Variants in XPO6 observed in about 807,000 individuals in gnomAD.
XPO6 encodes the protein exportin 6.
Under a neutral mutation model 130.0 loss-of-function variants are expected in XPO6, and 3 were observed. The observed-to-expected ratio is 0.02, with a 90% CI of 0.01 to 0.06. The LOEUF (loss-of-function observed/expected upper bound fraction) is 0.06, where lower values mean the gene tolerates loss of function less well. XPO6 is among the 10% of genes least tolerant of loss of function. XPO6 has a pLI of 1.00. For missense variants in XPO6, 970 were observed against 1,393.0 expected (o/e 0.70, Z 4.83); for synonymous variants, 524 against 548.9 (o/e 0.95, Z 0.63).
intron 15 of XPO6, among the ~76,000 whole-genome samples, chr16:28,113,519 C>A (rs1219578909): frequency 1.3e-5 from 2 of 152,212 alleles, no homozygotes; most frequent in African/African-American, 2.4e-5. Flanking sequence ...GGTTCAATTA[C>A]CACTGTTGCT....
intron 4 of XPO6, among the ~76,000 whole-genome samples, chr16:28,175,394 A>AC (rs1176819441): frequency 2.6e-5 from 4 of 151,790 alleles, no homozygotes; most frequent in Non-Finnish European, 5.9e-5. Context: ...GCACAATGGA[A>AC]CCCCCCAACC....
At chr16:28,203,653 G>C (rs770597215) in intron 1 of XPO6, among the ~76,000 whole-genome samples, 2 of 152,078 alleles carry the variant, frequency 1.3e-5, no homozygotes, top group Non-Finnish European at 2.9e-5. Context: ...ATCACCAACT[G>C]ATTAAAACTT....
At chr16:28,207,200 A>T (rs923343212) in intron 1 of XPO6, among the ~76,000 whole-genome samples, 2 of 151,790 alleles carry the variant, frequency 1.3e-5, no homozygotes, top group African/African-American at 4.8e-5. Context: ...GTAAGCCAAG[A>T]TCGTACCACT....
intron 14 of XPO6, among the ~76,000 whole-genome samples, chr16:28,120,633 G>C (rs1003783479): frequency 1.3e-5 from 2 of 152,158 alleles, no homozygotes; most frequent in African/African-American, 4.8e-5. Flanking sequence ...TAAGGAAACT[G>C]GCATCTTTCT....
chr16:28,135,363 T>C (rs1567613199), intron 9 of XPO6, 39 bp from the exon 10 acceptor site: 2 of 1,579,036 alleles, frequency 1.3e-6, no homozygotes, highest in Admixed American at 3.4e-5. Flanking sequence ...AAAGGAGGCT[T>C]TCAGCTTAGA....
chr16:28,166,051 A>AGTCTCCACTATGCAGGCAGAGAG (rs577572058), intron 6 of XPO6, among the ~76,000 whole-genome samples: 414 of 152,200 alleles, frequency 2.7e-3, no homozygotes, highest in African/African-American at 6.8e-3. Flanking sequence ...ACTACTGCAT[A>AGTCTCCACTATGCAGGCAGAGAG]GTCTCCACTA....
chr16:28,129,628 GTCTTCTCTT>G (rs1429990671), intron 12 of XPO6, among the ~76,000 whole-genome samples: 1 of 152,164 alleles, frequency 6.6e-6, no homozygotes, highest in Non-Finnish European at 1.5e-5. Flanking sequence ...ACATAATTTA[GTCTTCTCTT>G]TTTGAGGAGT....
intron 11 of XPO6, among the ~76,000 whole-genome samples, chr16:28,133,046 T>C (rs2042704868): frequency 6.6e-6 from 1 of 152,178 alleles, no homozygotes; most frequent in African/African-American, 2.4e-5. Context: ...ATGCAAAAGA[T>C]GACCCTATGG....
intron 16 of XPO6, among the ~76,000 whole-genome samples, chr16:28,112,435 T>C (rs1259578738): frequency 6.6e-6 from 1 of 152,170 alleles, no homozygotes; most frequent in African/African-American, 2.4e-5. Context: ...TGGTGCCCTC[T>C]GGTACCCTCT....
chr16:28,134,227 C>T (rs1299414392), intron 10 of XPO6, among the ~76,000 whole-genome samples: 1 of 152,186 alleles, frequency 6.6e-6, no homozygotes, highest in East Asian at 1.9e-4. Flanking sequence ...GAAATGATCA[C>T]GCATCACCTT....
At chr16:28,113,116 A>C (rs2086970616) in intron 15 of XPO6, 66 bp from the exon 16 acceptor site, 1 of 1,554,702 alleles carries the variant, frequency 6.4e-7, no homozygotes, top group Non-Finnish European at 8.7e-7. Context: ...AACTTTGCTG[A>C]GGCAGCCACA....
intron 1 of XPO6, among the ~76,000 whole-genome samples, chr16:28,193,248 T>C (rs571607442): frequency 1.3e-5 from 2 of 152,266 alleles, no homozygotes; most frequent in East Asian, 1.9e-4. Flanking sequence ...CCTGCAAATA[T>C]AGATAATGTT....
intron 17 of XPO6, among the ~76,000 whole-genome samples, chr16:28,110,236 C>T (rs75902422): frequency 6.6e-6 from 1 of 152,358 alleles, no homozygotes; most frequent in East Asian, 1.9e-4. Context: ...AGACGTCATT[C>T]ACATACTACA....
At chr16:28,113,998 A>G (rs2086992965) in intron 15 of XPO6, among the ~76,000 whole-genome samples, 1 of 152,214 alleles carries the variant, frequency 6.6e-6, no homozygotes, top group African/African-American at 2.4e-5. Flanking sequence ...AAAAAAATTC[A>G]AAGAATAAAC....
At chr16:28,182,670 A>G (rs902680826) in intron 1 of XPO6, among the ~76,000 whole-genome samples, 1 of 152,230 alleles carries the variant, frequency 6.6e-6, no homozygotes, top group Admixed American at 6.5e-5. Context: ...ATTAAAAACT[A>G]TCTATTTTTT....
At chr16:28,204,630 A>G (rs898907340) in intron 1 of XPO6, among the ~76,000 whole-genome samples, 2 of 152,074 alleles carry the variant, frequency 1.3e-5, no homozygotes, top group African/African-American at 4.8e-5. Context: ...GAGGAGAGAG[A>G]TGTTGGGTTA....
intron 23 of XPO6, among the ~76,000 whole-genome samples, chr16:28,099,860 C>T (rs1215759427): frequency 2.0e-5 from 3 of 152,150 alleles, no homozygotes; most frequent in Non-Finnish European, 4.4e-5. Context: ...TTTTATTTTA[C>T]CCTCAAAAAA....
At chr16:28,149,594 A>G (rs920504896) in intron 8 of XPO6, among the ~76,000 whole-genome samples, 4 of 152,158 alleles carry the variant, frequency 2.6e-5, no homozygotes, top group African/African-American at 9.7e-5. Context: ...AGTATTCTAC[A>G]CAGTAGAATA....
intron 4 of XPO6, among the ~76,000 whole-genome samples, chr16:28,171,558 G>A (rs57985055): frequency 1.3e-5 from 2 of 151,386 alleles, no homozygotes; most frequent in African/African-American, 2.4e-5. Flanking sequence ...CACCCCTAAA[G>A]AACAGGACAA....
Sources: allele counts gnomAD v4.1 joint callset (sites outside exome capture counted in the v4.1 genomes callset), GRCh38; gene constraint gnomAD v4.1.1; transcripts MANE v1.5; gene names NCBI Gene and HGNC (gene_info 2026-07-23, HGNC 2026-07-21).